The following MYRIP variants were observed in gnomAD, a reference collection of about 807,000 sequenced individuals.
The protein encoded by MYRIP is myosin VIIA and Rab interacting protein.
In MYRIP, 49 loss-of-function variants were observed where a neutral mutation model predicts 98.0. The observed-to-expected ratio is 0.50, with a 90% confidence interval of 0.40 to 0.63. The LOEUF (loss-of-function observed/expected upper bound fraction) is 0.63, where lower values mean the gene tolerates loss of function less well. Ranked by LOEUF, MYRIP falls within the 30% of genes least tolerant of loss-of-function variation. The pLI is 0.00. For missense variants in MYRIP, 1,004 were observed against 1,058.2 expected (o/e 0.95, Z 0.71); for synonymous variants, 404 against 409.5 (o/e 0.99, Z 0.16).
intron 2 of MYRIP, among the ~76,000 whole-genome samples, chr3:39,990,083 A>G (rs1348047691): frequency 1.3e-5 from 2 of 152,224 alleles, no homozygotes; most frequent in Admixed American, 6.5e-5. Flanking sequence ...GTGCCTGTTG[A>G]GAATCTGTAT....
chr3:40,032,447 T>A (rs1435124698), intron 2 of MYRIP, among the ~76,000 whole-genome samples: 1 of 152,172 alleles, frequency 6.6e-6, no homozygotes. Flanking sequence ...TACTTCCAAC[T>A]ATGTGGTCAA....
intron 3 of MYRIP, among the ~76,000 whole-genome samples, chr3:40,093,043 C>T (rs1239632631): frequency 6.6e-6 from 1 of 152,110 alleles, no homozygotes; most frequent in Non-Finnish European, 1.5e-5. Flanking sequence ...TGAACCCCTC[C>T]CTGTTAACCT....
intron 16 of MYRIP, among the ~76,000 whole-genome samples, chr3:40,252,792 G>T (rs1953418397): frequency 6.6e-6 from 1 of 152,082 alleles, no homozygotes; most frequent in Non-Finnish European, 1.5e-5. Flanking sequence ...CTTACCCACA[G>T]AATTACTTAA....
At chr3:40,166,079 G>A (rs1950493563) in intron 5 of MYRIP, among the ~76,000 whole-genome samples, 1 of 152,130 alleles carries the variant, frequency 6.6e-6, no homozygotes, top group Non-Finnish European at 1.5e-5. Flanking sequence ...GAAACTCTGG[G>A]CTTGGTGCCT....
chr3:40,118,229 C>CAA (rs10636083), intron 3 of MYRIP, among the ~76,000 whole-genome samples: 79,462 of 151,878 alleles, frequency 0.52, 21,052 homozygotes, highest in Admixed American at 0.61. Flanking sequence ...TGTATGTTGG[C>CAA]AGAGGCTAAT....
In MYRIP at chr3:40,128,631, C is replaced by T. The variant is rs892422014; in HGVS notation, c.333-22417C>T. ...GACACCTGGATTCCCCAGCTTGGAA[C>T]ACACATTCAGGTGCATCTGCCATAC... On this transcript the variant is annotated intron_variant, in intron 3 of 16. Transcript: ENST00000302541. Among the ~76,000 whole-genome samples, 9 of 152,280 alleles carry T rather than the reference C, an allele frequency of 5.9e-5. No individual in the cohort carries two copies. The East Asian group carries it at 1.7e-3, about 29-fold the overall frequency.
chr3:39,998,308 T>C (rs1490355660), intron 2 of MYRIP, among the ~76,000 whole-genome samples: 3 of 152,184 alleles, frequency 2.0e-5, no homozygotes, highest in African/African-American at 7.2e-5. Flanking sequence ...AAAATCTCCT[T>C]AAGCTGATAG....
rs548307136 is a variant in MYRIP at position 40,084,983 on chromosome 3, CGAT to C, written c.332+40713_332+40715del. On this transcript the variant is annotated intron_variant, in intron 3 of 16. Transcript: ENST00000302541. ...TAATATATATCTATGTGTTACATAT[CGAT>C]AATATATATCTGTGTTATATATCGA... Among the ~76,000 whole-genome samples the C allele has an allele frequency of 2.1e-3, 319 of 148,450 alleles. 2 individuals carry two copies. Among genetic ancestry groups the C allele is most frequent in the African/African-American group, 6.6e-3 (269 of 40,548 alleles).
chr3:39,954,559 T>C (rs865793656), intron 2 of MYRIP, among the ~76,000 whole-genome samples: 36 of 152,248 alleles, frequency 2.4e-4, no homozygotes, highest in Non-Finnish European at 2.2e-4. Flanking sequence ...ACCACAAAGA[T>C]GGGGAGAAAC....
At chr3:39,939,410 AG>A (rs1944729379) in intron 2 of MYRIP, among the ~76,000 whole-genome samples, 1 of 152,208 alleles carries the variant, frequency 6.6e-6, no homozygotes, top group Non-Finnish European at 1.5e-5. Context: ...ATGGAAAAAA[AG>A]TCCATGCAGT....
At chr3:39,953,336 A>G (rs1945073572) in intron 2 of MYRIP, among the ~76,000 whole-genome samples, 1 of 152,052 alleles carries the variant, frequency 6.6e-6, no homozygotes, top group African/African-American at 2.4e-5. Context: ...TGAAATAGTT[A>G]TTTTTGATAA....
intron 2 of MYRIP, among the ~76,000 whole-genome samples, chr3:40,014,273 AT>A (rs1186882872): frequency 1.3e-5 from 2 of 152,304 alleles, no homozygotes; most frequent in Admixed American, 6.5e-5. Context: ...ATTTATTTGA[AT>A]TTTTTCCCTG....
intron 2 of MYRIP, among the ~76,000 whole-genome samples, chr3:39,979,111 C>T (rs1945821560): frequency 6.6e-6 from 1 of 152,028 alleles, no homozygotes; most frequent in South Asian, 2.1e-4. Context: ...TACAGTAGAG[C>T]TCTGTGAAGC....
intron 1 of MYRIP, among the ~76,000 whole-genome samples, chr3:39,847,744 A>G (rs760763587): frequency 1.3e-5 from 2 of 152,126 alleles, no homozygotes; most frequent in African/African-American, 2.4e-5. Context: ...TTTTGTATGA[A>G]TGCTTCCATA....
chr3:40,250,617 G>C, intron 15 of MYRIP, 118 bp downstream of exon 15: 1 of 1,199,906 alleles, frequency 8.3e-7, no homozygotes, highest in Non-Finnish European at 1.2e-6. Flanking sequence ...ACACAGAATT[G>C]CTCTTGTCTA....
intron 3 of MYRIP, among the ~76,000 whole-genome samples, chr3:40,131,227 T>C (rs1278031146): frequency 6.6e-6 from 1 of 152,216 alleles, no homozygotes; most frequent in Non-Finnish European, 1.5e-5. Context: ...CTAAACTCCA[T>C]ATAAGCAAAG....
chr3:40,090,784 A>G (rs1283791154), intron 3 of MYRIP, among the ~76,000 whole-genome samples: 1 of 152,110 alleles, frequency 6.6e-6, no homozygotes, highest in Non-Finnish European at 1.5e-5. Context: ...GTAGTGTCCT[A>G]CTTCTACTTG....
intron 2 of MYRIP, among the ~76,000 whole-genome samples, chr3:40,019,866 T>G (rs1946952780): frequency 6.6e-6 from 1 of 152,222 alleles, no homozygotes; most frequent in African/African-American, 2.4e-5. Flanking sequence ...TTTTTGGGCA[T>G]TCAAATGGAC....
At chr3:39,878,515 G>A (rs1034820676) in intron 1 of MYRIP, among the ~76,000 whole-genome samples, 2 of 151,822 alleles carry the variant, frequency 1.3e-5, no homozygotes, top group African/African-American at 4.8e-5. Flanking sequence ...GTATGCGCCT[G>A]GTACTTTCAG....
Sources: gnomAD v4.1 joint callset for allele counts (sites outside exome capture counted in the v4.1 genomes callset) on GRCh38, gnomAD v4.1.1 for gene constraint, MANE v1.5 for transcripts, NCBI Gene and HGNC (gene_info 2026-07-23, HGNC 2026-07-21) for gene names.